Variants in LMBRD1 observed in about 807,000 individuals in gnomAD.
The protein encoded by LMBRD1 is lysosomal cobalamin transport escort protein LMBD1.
Under a neutral mutation model 74.8 loss-of-function variants are expected in LMBRD1, and 64 were observed. That is an observed-to-expected ratio of 0.86 (90% CI 0.70 to 1.05). LMBRD1 has a LOEUF of 1.05. LMBRD1 is among the 50% of genes least tolerant of loss of function. The pLI, the probability that LMBRD1 is intolerant of heterozygous loss-of-function variation, is 0.00. For missense variants in LMBRD1, 652 were observed against 645.9 expected, an observed-to-expected ratio of 1.01 and a Z score of -0.10; for synonymous variants, 204 against 216.3, an observed-to-expected ratio of 0.94 and a Z score of 0.50.
chr6:69,690,605 C>A lies in LMBRD1; in HGVS notation c.1417+6958G>T, dbSNP rs761938859. On this transcript the variant is annotated intron_variant, in intron 14 of 15. Coordinates refer to ENST00000649934, the MANE Select transcript of LMBRD1 (RefSeq NM_018368.4). ...TATTTTTAAATATAAGATAAAAAAACCCCAAATCAATCCATTTATACTTTT... is the reference window on the plus strand; with the variant it reads ...TATTTTTAAATATAAGATAAAAAAAACCCAAATCAATCCATTTATACTTTT... 5.3e-5 allele frequency among the ~76,000 whole-genome samples: 8 copies of A among 152,134 alleles called. No homozygotes were observed. In the East Asian group the frequency reaches 1.2e-3, roughly 22 times the overall value.
intron 3 of LMBRD1, among the ~76,000 whole-genome samples, chr6:69,757,897 G>A (rs139389727): frequency 6.6e-6 from 1 of 152,020 alleles, no homozygotes; most frequent in Non-Finnish European, 1.5e-5. Context: ...TAACATCAAA[G>A]AACACATTAA....
At chr6:69,752,626 T>C (rs918724070) in intron 3 of LMBRD1, among the ~76,000 whole-genome samples, 3 of 152,158 alleles carry the variant, frequency 2.0e-5, no homozygotes, top group Non-Finnish European at 4.4e-5. Flanking sequence ...TCAAGAACAA[T>C]TGTGGCAGCT....
Position 69,713,660 on chromosome 6 carries a change from A to G in LMBRD1, c.900T>C (p.Ala300=). 1 of 1,613,524 alleles carries G rather than the reference A, an allele frequency of 6.2e-7. No individual in the cohort carries two copies. The highest frequency in any genetic ancestry group is 8.5e-7 in the Non-Finnish European group (1 of 1,179,610). The change falls in exon 9 of 16, where the codon GCT becomes GCC. Residue 300 remains alanine (A), a synonymous_variant. Coordinates refer to ENST00000649934, the MANE Select transcript of LMBRD1 (RefSeq NM_018368.4). ...CTTCATTTACCTTCAGGGGACGCAG[A>G]GCGCCACAAAATTTTGTCCACCAGC... The part of the protein sequence containing the change: ...ENSWWTKFCG[A]LRPLKIVWGI...
chr6:69,708,652 CA>C (rs3070239), intron 9 of LMBRD1, among the ~76,000 whole-genome samples: 46 of 146,872 alleles, frequency 3.1e-4, no homozygotes, highest in South Asian at 1.7e-3. Flanking sequence ...TTCATGGGAA[CA>C]AAAAAAAAAA....
intron 3 of LMBRD1, among the ~76,000 whole-genome samples, chr6:69,766,739 C>T (rs1765481626): frequency 6.6e-6 from 1 of 151,418 alleles, no homozygotes; most frequent in South Asian, 2.1e-4. Flanking sequence ...ATTTATAATA[C>T]ATAAATAGAA....
intron 3 of LMBRD1, among the ~76,000 whole-genome samples, chr6:69,770,421 T>C (rs1370416356): frequency 1.3e-5 from 2 of 152,218 alleles, no homozygotes; most frequent in African/African-American, 4.8e-5. Context: ...CTTTCATTGA[T>C]TGCTAAAGAA....
intron 14 of LMBRD1, among the ~76,000 whole-genome samples, chr6:69,688,531 C>T (rs907537191): frequency 2.0e-5 from 3 of 151,432 alleles, no homozygotes; most frequent in African/African-American, 7.3e-5. Context: ...GGTACAAAGA[C>T]TTTAAGAATT....
chr6:69,703,507 C>T (rs1163827264), intron 9 of LMBRD1, among the ~76,000 whole-genome samples: 1 of 150,612 alleles, frequency 6.6e-6, no homozygotes, highest in Non-Finnish European at 1.5e-5. Context: ...AGCTATCTTC[C>T]AAATCTGTAG....
At chr6:69,761,035 C>T (rs1377773334) in intron 3 of LMBRD1, among the ~76,000 whole-genome samples, 1 of 152,120 alleles carries the variant, frequency 6.6e-6, no homozygotes, top group Non-Finnish European at 1.5e-5. Context: ...GATTCCTCAC[C>T]CAAAGAAACT....
intron 3 of LMBRD1, among the ~76,000 whole-genome samples, chr6:69,776,061 G>GT (rs1280344620): frequency 2.0e-5 from 3 of 152,148 alleles, no homozygotes; most frequent in Non-Finnish European, 2.9e-5. Context: ...AACAAATGTG[G>GT]TTTTTTCAAT....
intron 3 of LMBRD1, among the ~76,000 whole-genome samples, chr6:69,764,706 A>G (rs1262213353): frequency 6.6e-6 from 1 of 152,124 alleles, no homozygotes; most frequent in Non-Finnish European, 1.5e-5. Context: ...ATACATTTTG[A>G]ATATAAGCCC....
At chr6:69,681,133 A>G (rs1419960026) in intron 14 of LMBRD1, among the ~76,000 whole-genome samples, 3 of 152,084 alleles carry the variant, frequency 2.0e-5, no homozygotes, top group African/African-American at 7.2e-5. Context: ...GATGTTAACA[A>G]TGAACACTAA....
At chr6:69,736,121 A>G (rs750116875) in intron 7 of LMBRD1, among the ~76,000 whole-genome samples, 21 of 152,000 alleles carry the variant, frequency 1.4e-4, no homozygotes, top group Non-Finnish European at 1.8e-4. Context: ...GTATCTACCA[A>G]TTGACCACTG....
At chr6:69,791,891 G>C (rs1190859078) in intron 1 of LMBRD1, among the ~76,000 whole-genome samples, 2 of 152,188 alleles carry the variant, frequency 1.3e-5, no homozygotes, top group Non-Finnish European at 2.9e-5. Context: ...TGAAAAACCA[G>C]GGTGTGGACC....
intron 3 of LMBRD1, among the ~76,000 whole-genome samples, chr6:69,772,949 T>G (rs1422908548): frequency 6.6e-6 from 1 of 152,224 alleles, no homozygotes; most frequent in Non-Finnish European, 1.5e-5. Context: ...TATTTAGCAC[T>G]AATCACATGT....
chr6:69,701,763 T>C, intron 10 of LMBRD1, 126 bp downstream of exon 10: 1 of 737,360 alleles, frequency 1.4e-6, no homozygotes, highest in South Asian at 1.6e-5. Flanking sequence ...GAGTTAATGC[T>C]ATAGAACACT....
intron 14 of LMBRD1, among the ~76,000 whole-genome samples, chr6:69,683,795 A>G (rs1483912701): frequency 2.6e-5 from 4 of 152,098 alleles, no homozygotes; most frequent in Non-Finnish European, 5.9e-5. Flanking sequence ...ATCAGCAAAG[A>G]GAATGGAAGT....
chr6:69,793,876 C>T (rs534144479), intron 1 of LMBRD1, among the ~76,000 whole-genome samples: 7 of 152,024 alleles, frequency 4.6e-5, no homozygotes, highest in South Asian at 2.1e-4. Flanking sequence ...TTTGCCACCT[C>T]GCCCGGCTAA....
chr6:69,774,108 C>T (rs1765634895), intron 3 of LMBRD1, among the ~76,000 whole-genome samples: 1 of 152,122 alleles, frequency 6.6e-6, no homozygotes, highest in Non-Finnish European at 1.5e-5. Flanking sequence ...GGGAGGGACC[C>T]AGTGGAAAGT....
Sources: allele counts gnomAD v4.1 joint callset (sites outside exome capture counted in the v4.1 genomes callset), GRCh38; gene constraint gnomAD v4.1.1; transcripts MANE v1.5; gene names NCBI Gene and HGNC (gene_info 2026-07-23, HGNC 2026-07-21).